COPS5: variants seen among roughly 807,000 people sequenced by gnomAD.
COPS5 encodes the protein COP9 signalosome subunit 5.
Under a neutral mutation model 44.4 loss-of-function variants are expected in COPS5, and 8 were observed. The observed-to-expected ratio is 0.18, with a 90% confidence interval of 0.11 to 0.32. COPS5 has a LOEUF of 0.32. Ranked by LOEUF, COPS5 falls within the 10% of genes least tolerant of loss-of-function variation. COPS5 has a pLI of 1.00. For synonymous variants in COPS5, 122 were observed against 142.8 expected (o/e 0.85, Z 1.04); for missense variants, 159 against 406.4 (o/e 0.39, Z 5.23).
At chr8:67,049,568 G>T (rs1206368024) in intron 6 of COPS5, among the ~76,000 whole-genome samples, 2 of 152,188 alleles carry the variant, frequency 1.3e-5, no homozygotes, top group African/African-American at 4.8e-5. Context: ...TATTCTGGGA[G>T]AATAATTCTT....
Position 67,052,745 on chromosome 8 carries a change from G to A in COPS5, c.660-1404C>T, listed in dbSNP as rs184042072. ...GGAGGCAGAAGAATCGCTTGAACCC[G>A]GGAGGCAGAGGTTGAAGTGAGCCGA... On this transcript the variant is annotated intron_variant, in intron 5 of 7. Transcript: ENST00000357849. 7.9e-4 allele frequency among the ~76,000 whole-genome samples: 119 copies of A among 150,464 alleles called. 1 individual carries two copies. Among genetic ancestry groups the A allele is most frequent in the African/African-American group, 2.6e-3 (107 of 41,042 alleles).
chr8:67,053,527 C>T (rs1375997040), intron 5 of COPS5, among the ~76,000 whole-genome samples: 5 of 149,392 alleles, frequency 3.3e-5, no homozygotes, highest in Non-Finnish European at 7.4e-5. Flanking sequence ...ATGGTGAAAC[C>T]CTGTCTCTAC....
At chr8:67,051,160 G>A in intron 6 of COPS5, 70 bp downstream of exon 6, 1 of 1,038,126 alleles carries the variant, frequency 9.6e-7, no homozygotes, top group African/African-American at 1.6e-5. Context: ...GTGAAACAGT[G>A]TTTCAGATAT....
intron 6 of COPS5, among the ~76,000 whole-genome samples, chr8:67,046,893 T>G (rs1289401230): frequency 6.6e-6 from 1 of 151,280 alleles, no homozygotes; most frequent in Non-Finnish European, 1.5e-5. Context: ...ACAAAAATAT[T>G]TGGAAAATGT....
chr8:67,051,070 C>G (rs1221108766), intron 6 of COPS5, 160 bp downstream of exon 6: 2 of 598,418 alleles, frequency 3.3e-6, no homozygotes, highest in Admixed American at 2.8e-5. Context: ...CTGAATTGGC[C>G]TAGAATCCTA....
chr8:67,057,956 C>CAT, intron 3 of COPS5, 127 bp downstream of exon 3: 2 of 949,272 alleles, frequency 2.1e-6, no homozygotes, highest in Non-Finnish European at 3.2e-6. Context: ...AGATGGAATT[C>CAT]ACATTGAAAC....
chr8:67,059,812 G>T, intron 1 of COPS5: 1 of 217,186 alleles, frequency 4.6e-6, no homozygotes. Context: ...TAACCTTCTG[G>T]CCTAATGGTT....
intron 6 of COPS5, among the ~76,000 whole-genome samples, chr8:67,050,616 T>A (rs77976225): frequency 1.2e-3 from 155 of 130,108 alleles, no homozygotes; most frequent in East Asian, 7.7e-3. Context: ...AGTGTGAGAG[T>A]GTGTGTGTGT....
At chr8:67,050,610 T>TGA (rs907034212) in intron 6 of COPS5, among the ~76,000 whole-genome samples, 58 of 126,216 alleles carry the variant, frequency 4.6e-4, no homozygotes, top group Non-Finnish European at 6.7e-4. Context: ...TATGTGAGTG[T>TGA]GAGAGTGTGT....
chr8:67,049,502 G>A (rs982600648), intron 6 of COPS5, among the ~76,000 whole-genome samples: 2 of 152,108 alleles, frequency 1.3e-5, no homozygotes, highest in African/African-American at 2.4e-5. Flanking sequence ...TGGCCTTCCA[G>A]GTCAACTGAA....
chr8:67,046,954 T>C (rs1031976255), intron 6 of COPS5, among the ~76,000 whole-genome samples: 1 of 151,988 alleles, frequency 6.6e-6, no homozygotes, highest in African/African-American at 2.4e-5. Flanking sequence ...TTCACTTAGC[T>C]ATAACTGCAA....
intron 6 of COPS5, among the ~76,000 whole-genome samples, chr8:67,047,419 T>C (rs540690958): frequency 2.5e-4 from 38 of 152,314 alleles, no homozygotes; most frequent in Admixed American, 5.9e-4. Context: ...CTAAAGTTTA[T>C]AGAGCTATTT....
intron 7 of COPS5, chr8:67,043,802 T>G: frequency 6.6e-6 from 1 of 152,096 alleles, no homozygotes; most frequent in East Asian, 1.9e-4. Context: ...GCAAAAGAAA[T>G]GACAAAACCC....
chr8:67,061,587 G>A (rs1804629149), intron 1 of COPS5: 1 of 482,388 alleles, frequency 2.1e-6, no homozygotes, highest in East Asian at 4.3e-5. Context: ...TGGCATATAT[G>A]ACAATACGGA....
At position 67,059,546 on chromosome 8, in the gene COPS5, C is replaced by T. The variant is rs1017228352; in HGVS notation, c.144-101G>A. 2.8e-5 allele frequency: 23 copies of T among 833,934 alleles called. No homozygotes were observed. In the East Asian group the frequency reaches 4.3e-4, roughly 15 times the overall value. 51.7% of individuals were successfully genotyped at this position (833,934 alleles called of 1,614,324 possible). ...GAGTAAGTATTGAAGGAATTTAGAG[C>T]GATGGAAAGGGAGTGTAGACTACGG... On this transcript the variant is annotated intron_variant, in intron 1 of 7. Coordinates refer to ENST00000357849, the MANE Select transcript of COPS5 (RefSeq NM_006837.3).
chr8:67,058,316 A>G (rs1804540372), intron 2 of COPS5, 105 bp from the exon 3 acceptor site: 3 of 1,119,134 alleles, frequency 2.7e-6, no homozygotes, highest in Non-Finnish European at 3.9e-6. Context: ...CTTCTCCTCA[A>G]TTACCCACTT....
chr8:67,060,271 TAGACAGTG>T, intron 1 of COPS5: 1 of 986,180 alleles, frequency 1.0e-6, no homozygotes, highest in Non-Finnish European at 1.3e-6. Flanking sequence ...GAGCCACAAT[TAGACAGTG>T]AGGCAGGCCA....
In COPS5 at chr8:67,045,895, C is replaced by G. The variant is rs1444521716; in HGVS notation, c.837G>C (p.Gln279His). Residue 279 changes from glutamine (Q) to histidine (H), a missense_variant, in exon 7 of 8, where the codon CAG becomes CAC. By Grantham distance (24) the Gln-to-His change is conservative (BLOSUM62 0). Transcript: ENST00000357849. ...CCAACATGAAACTCCCTCGTCCCAGCTGGGCTTCTGACTGCTCTAACTTTT... is the reference window on the plus strand; with the variant it reads ...CCAACATGAAACTCCCTCGTCCCAGGTGGGCTTCTGACTGCTCTAACTTTT... ...LSEKLEQSEA[Q>H]LGRGSFMLGL... The G allele has an allele frequency of 5.0e-6, 8 of 1,614,008 alleles. No individual in the cohort carries two copies. The highest frequency in any genetic ancestry group is 1.3e-5 in the African/African-American group (1 of 74,930).
At chr8:67,046,843 A>C (rs1312792617) in intron 6 of COPS5, among the ~76,000 whole-genome samples, 1 of 150,976 alleles carries the variant, frequency 6.6e-6, no homozygotes, top group African/African-American at 2.4e-5. Flanking sequence ...AAAAAAAAAA[A>C]AAAAACAAAC....
Sources: gnomAD v4.1 joint callset for allele counts (sites outside exome capture counted in the v4.1 genomes callset) on GRCh38, gnomAD v4.1.1 for gene constraint, MANE v1.5 for transcripts, NCBI Gene and HGNC (gene_info 2026-07-23, HGNC 2026-07-21) for gene names.